KIF24: variants seen among roughly 807,000 people sequenced by gnomAD.
KIF24 encodes kinesin-like protein KIF24.
A neutral mutation model predicts 118.9 loss-of-function variants in KIF24; 81 were observed. The observed-to-expected ratio is 0.68, with a 90% CI of 0.57 to 0.82. The LOEUF (loss-of-function observed/expected upper bound fraction) is 0.82. Among genes scored for constraint, KIF24 ranks in the 40% least tolerant of loss-of-function variants. The probability of loss-of-function intolerance (pLI) is 0.00; values close to 1 mark genes in which losing one functional copy is unlikely to be tolerated. For missense variants in KIF24, 1,560 were observed against 1,661.6 expected (o/e 0.94, Z 1.06); for synonymous variants, 599 against 610.0 (o/e 0.98, Z 0.27).
At chr9:34,298,901 C>T (rs569482982) in intron 3 of KIF24, among the ~76,000 whole-genome samples, 4 of 151,968 alleles carry the variant, frequency 2.6e-5, no homozygotes, top group Admixed American at 2.6e-4. Context: ...AGACGACTTC[C>T]AAATGAAAAA....
chr9:34,318,391 C>T lies in KIF24; in HGVS notation c.-25-7020G>A. Reference sequence around the variant, plus strand: ...ACAGGTCCATCGTGGTGCACGCAAACCACCTCCCAGCCACGCGCTCCCTCC... The same window carrying T: ...ACAGGTCCATCGTGGTGCACGCAAATCACCTCCCAGCCACGCGCTCCCTCC... On this transcript the variant is annotated intron_variant, in intron 1 of 12. Transcript: ENST00000402558. This position sits in a 1 kb window ranked among gnomAD's most constrained non-coding sequence, Gnocchi z 4.9. 1 of 514,858 alleles carries T rather than the reference C, an allele frequency of 1.9e-6. No individual in the cohort carries two copies. Among genetic ancestry groups the T allele is most frequent in the East Asian group, 4.8e-5 (1 of 20,972 alleles). 31.9% of individuals were successfully genotyped at this position (514,858 alleles called of 1,614,324 possible). A position where few individuals can be genotyped will look rare whatever the true frequency, so the allele number is the denominator to read the frequency against.
intron 1 of KIF24, among the ~76,000 whole-genome samples, chr9:34,322,568 A>G (rs921987782): frequency 6.6e-6 from 1 of 151,966 alleles, no homozygotes; most frequent in Admixed American, 6.6e-5. Flanking sequence ...AGAAACTGAT[A>G]CAAGGCCAGG....
chr9:34,314,504 C>T (rs1452963927), intron 1 of KIF24, among the ~76,000 whole-genome samples: 3 of 152,096 alleles, frequency 2.0e-5, no homozygotes, highest in Non-Finnish European at 2.9e-5. Context: ...ACCTGAGCCC[C>T]ATCCCAGATC....
chr9:34,271,862 G>A lies in KIF24; in HGVS notation c.1284C>T (p.Ser428=). 6.2e-7 allele frequency: 1 copy of A among 1,611,184 alleles called. No individual in the cohort carries two copies. Among genetic ancestry groups the A allele is most frequent in the South Asian group, 1.1e-5 (1 of 90,348 alleles). The change falls in exon 7 of 13, where the codon TCC becomes TCT. Residue 428 remains serine, a synonymous_variant. Transcript: ENST00000402558. ...TGATCTGAATTTGGATGACGGCATG[G>A]GAGCGGGAGGAGTCTGCATTAACTC... The part of the protein sequence containing the change: ...ATGVNADSSR[S]HAVIQIQIKD...
intron 6 of KIF24, among the ~76,000 whole-genome samples, chr9:34,276,333 C>T (rs34657094): frequency 0.041 from 5,866 of 143,278 alleles, 160 homozygotes; most frequent in Middle Eastern, 0.078. Context: ...ACCCAGGAGG[C>T]GGAGGTTGCA....
chr9:34,288,697 G>A (rs1836141735), intron 5 of KIF24, among the ~76,000 whole-genome samples: 1 of 151,974 alleles, frequency 6.6e-6, no homozygotes, highest in Admixed American at 6.6e-5. Flanking sequence ...GAGCCTCAGA[G>A]AAGCATCAAA....
Position 34,318,270 on chromosome 9 carries a change from A to G in KIF24, c.-25-6899T>C, listed in dbSNP as rs1837391458. On this transcript the variant is annotated intron_variant, in intron 1 of 12. Coordinates refer to ENST00000402558, the MANE Select transcript of KIF24 (RefSeq NM_194313.4). This position sits in a 1 kb window ranked among gnomAD's most constrained non-coding sequence, Gnocchi z 4.9. ...TGTAAAAGTTACATAGAAATAGGCT[A>G]TAGAAGAGTAGAATCGTGTCGCGGC... 9.2e-6 allele frequency: 5 copies of G among 545,822 alleles called. No individual in the cohort carries two copies. The highest frequency in any genetic ancestry group is 4.2e-5 in the South Asian group (2 of 47,792). 33.8% of individuals were successfully genotyped at this position (545,822 alleles called of 1,614,324 possible).
chr9:34,302,273 G>A lies in KIF24; in HGVS notation c.813+3979C>T, dbSNP rs116321625. ...CTCCCAAAGTGCTGATTACAGGCAT[G>A]AGTAATGCCAGCGCGGTGCCTGGCC... On this transcript the variant is annotated intron_variant, in intron 3 of 12. Transcript: ENST00000402558. 4.2e-3 allele frequency among the ~76,000 whole-genome samples: 638 copies of A among 151,914 alleles called. 5 individuals carry two copies. Among genetic ancestry groups the A allele is most frequent in the African/African-American group, 0.015 (603 of 41,452 alleles).
In KIF24 at chr9:34,255,825, C is replaced by G. The variant is rs76716576; in HGVS notation, c.3782G>C (p.Arg1261Thr). 5.3e-3 allele frequency: 8,501 copies of G among 1,613,914 alleles called. 318 individuals are homozygous for G. In the African/African-American group the frequency reaches 0.087, roughly 17 times the overall value. The change falls in exon 11 of 13, where the codon AGG (arginine) becomes ACG (threonine). Residue 1261 changes from arginine (R) to threonine (T), a missense_variant. Around this residue, in one of 3 missense-constraint regions of KIF24, gnomAD observed 591 missense variants for 655.6 expected, o/e 0.90. Transcript: ENST00000402558. ...VTWLKPRPIS[R>T]CLARPSSPLV... ...GGGAGAACTTGGCCTTGCTAAGCAC[C>G]TTGAGATCGGCCTGGGTTTGAGCCA...
intron 1 of KIF24, among the ~76,000 whole-genome samples, chr9:34,311,967 T>G (rs914728334): frequency 1.3e-5 from 2 of 152,106 alleles, no homozygotes; most frequent in South Asian, 2.1e-4. Context: ...CTCAACTTAA[T>G]GTCAAGGCAT....
At chr9:34,317,760 T>C (rs960624501) in intron 1 of KIF24, among the ~76,000 whole-genome samples, 2 of 152,198 alleles carry the variant, frequency 1.3e-5, no homozygotes, top group African/African-American at 2.4e-5. Flanking sequence ...CTTATTTTAC[T>C]TAAATAACGG....
intron 3 of KIF24, among the ~76,000 whole-genome samples, chr9:34,305,609 T>C (rs1393882310): frequency 6.6e-6 from 1 of 152,188 alleles, no homozygotes; most frequent in Non-Finnish European, 1.5e-5. Flanking sequence ...TTTTTTATTT[T>C]TATATTCTTT....
At position 34,310,788 on chromosome 9, in the gene KIF24, G is replaced by A; in HGVS notation, c.559C>T (p.Pro187Ser). The change falls in exon 2 of 13, where the codon CCC (proline) becomes TCC (serine). Residue 187 changes from proline to serine, a missense_variant. Physicochemically the swap from Pro to Ser is moderately conservative, Grantham distance 74. Around this residue, in one of 3 missense-constraint regions of KIF24, gnomAD observed 964 missense variants for 988.0 expected, o/e 0.98. Transcript: ENST00000402558. ...ACATGAGAGATTCTTTGAATAATGG[G>A]AATATCACAATCCCCCAGTATTGCA... ...LSAILGDCDI[P>S]IIQRISHVSG... is the part of the protein sequence containing the mutation. 6.2e-7 allele frequency: 1 copy of A among 1,611,144 alleles called. No homozygotes were observed. The highest frequency in any genetic ancestry group is 8.5e-7 in the Non-Finnish European group (1 of 1,177,412).
chr9:34,286,585 G>C, intron 6 of KIF24, 32 bp downstream of exon 6: 1 of 1,431,082 alleles, frequency 7.0e-7, no homozygotes, highest in South Asian at 1.1e-5. Context: ...ACACTGTTGT[G>C]GTGGGGTAAT....
intron 5 of KIF24, among the ~76,000 whole-genome samples, chr9:34,287,910 TAA>T (rs79148065): frequency 3.9e-4 from 52 of 131,888 alleles, no homozygotes; most frequent in Non-Finnish European, 3.2e-4. Context: ...CATCTCTGTT[TAA>T]AAAAAAAAAA....
intron 1 of KIF24, among the ~76,000 whole-genome samples, chr9:34,320,500 A>G (rs755393207): frequency 2.8e-4 from 42 of 151,626 alleles, no homozygotes; most frequent in Non-Finnish European, 4.7e-4. Flanking sequence ...TCTACTAAAA[A>G]TACAAAAATT....
At chr9:34,320,179 G>T (rs137858586) in intron 1 of KIF24, among the ~76,000 whole-genome samples, 1 of 152,216 alleles carries the variant, frequency 6.6e-6, no homozygotes, top group Non-Finnish European at 1.5e-5. Flanking sequence ...AGGCTTCTGG[G>T]CAGACTCTGG....
intron 1 of KIF24, among the ~76,000 whole-genome samples, chr9:34,328,241 T>C (rs987138850): frequency 3.9e-5 from 6 of 152,174 alleles, no homozygotes; most frequent in African/African-American, 1.4e-4. Context: ...TCTCTACTTG[T>C]AGAATACAAG....
intron 4 of KIF24, among the ~76,000 whole-genome samples, chr9:34,293,570 C>T (rs1207793007): frequency 1.3e-5 from 2 of 151,294 alleles, no homozygotes; most frequent in African/African-American, 2.4e-5. Flanking sequence ...GTCAGGAGAT[C>T]GAGACCATCC....
Sources: allele counts gnomAD v4.1 joint callset (sites outside exome capture counted in the v4.1 genomes callset), GRCh38; gene constraint gnomAD v4.1.1; regional missense constraint gnomAD v4.1.1; non-coding constraint Gnocchi (gnomAD v3.1); transcripts MANE v1.5; gene names NCBI Gene and HGNC (gene_info 2026-07-23, HGNC 2026-07-21).